Variants in NFIB observed in about 807,000 individuals in gnomAD.
The protein encoded by NFIB is nuclear factor I B.
Under a neutral mutation model 61.5 loss-of-function variants are expected in NFIB, and 11 were observed. The observed-to-expected ratio is 0.18, with a 90% CI of 0.11 to 0.30. The LOEUF is 0.30. Ranked by LOEUF, NFIB falls within the 10% of genes least tolerant of loss-of-function variation. NFIB has a pLI of 1.00. For synonymous variants in NFIB, 260 were observed against 216.5 expected (o/e 1.20, Z -1.76); for missense variants, 471 against 608.9 (o/e 0.77, Z 2.38).
At chr9:14,249,419 C>T (rs59804771) in intron 2 of NFIB, among the ~76,000 whole-genome samples, 12,915 of 152,116 alleles carry the variant, frequency 0.085, 1,147 homozygotes, top group East Asian at 0.34. Context: ...TTGTTTTATG[C>T]TCTTATAGCA....
intron 2 of NFIB, among the ~76,000 whole-genome samples, chr9:14,182,708 C>CTCTG (rs778914837): frequency 0.021 from 1,989 of 96,950 alleles, 50 homozygotes; most frequent in Non-Finnish European, 0.031. Flanking sequence ...CTCTCTCTCT[C>CTCTG]TGTGTGTGTG....
chr9:14,438,829 A>T, the NFIB span, among the ~76,000 whole-genome samples: 1 of 152,094 alleles, frequency 6.6e-6, no homozygotes, highest in East Asian at 1.9e-4. Context: ...GCGGCAGAGA[A>T]TGAGGGCTCT....
chr9:14,144,939 T>A (rs1039405734), intron 6 of NFIB, among the ~76,000 whole-genome samples: 6 of 152,236 alleles, frequency 3.9e-5, no homozygotes, highest in African/African-American at 1.4e-4. Context: ...CTGCCAAGGC[T>A]ATGGCCTGTT....
intron 2 of NFIB, among the ~76,000 whole-genome samples, chr9:14,251,788 C>A (rs1049549824): frequency 3.3e-5 from 5 of 152,210 alleles, no homozygotes; most frequent in Admixed American, 2.0e-4. Context: ...ATTACACAGG[C>A]GTGCTGCACA....
At chr9:14,262,086 A>G (rs2056812150) in intron 2 of NFIB, among the ~76,000 whole-genome samples, 3 of 152,036 alleles carry the variant, frequency 2.0e-5, no homozygotes, top group Admixed American at 1.3e-4. Context: ...CTTTTCACTT[A>G]TCTACACAGG....
the NFIB span, among the ~76,000 whole-genome samples, chr9:14,423,082 T>G: frequency 6.6e-6 from 1 of 152,236 alleles, no homozygotes; most frequent in South Asian, 2.1e-4. Flanking sequence ...TATGCCCACA[T>G]GCCAGTAGCA....
chr9:14,102,254 G>A lies in NFIB; in HGVS notation c.1467+10745C>T, dbSNP rs953974912. ...TACTATAGTCCCAACTTAATTTGAC[G>A]TTCCATTTACATAAGAAATAAAGGA... On this transcript the variant is annotated intron_variant, in intron 10 of 10. Coordinates refer to ENST00000380953, the MANE Select transcript of NFIB (RefSeq NM_001190737.2). 3.3e-5 allele frequency among the ~76,000 whole-genome samples: 5 copies of A among 151,990 alleles called. No individual in the cohort carries two copies. In the South Asian group the frequency reaches 6.2e-4, roughly 19 times the overall value.
At chr9:14,141,101 C>T (rs1314631689) in intron 6 of NFIB, among the ~76,000 whole-genome samples, 1 of 152,126 alleles carries the variant, frequency 6.6e-6, no homozygotes, top group Non-Finnish European at 1.5e-5. Context: ...ATACTATATC[C>T]TTATAGAACT....
the NFIB span, among the ~76,000 whole-genome samples, chr9:14,517,345 A>G: frequency 6.6e-6 from 1 of 152,184 alleles, no homozygotes; most frequent in Non-Finnish European, 1.5e-5. Flanking sequence ...TCCAAGGCGT[A>G]CCTGCTTTCT....
intron 2 of NFIB, among the ~76,000 whole-genome samples, chr9:14,262,453 T>C (rs1015774468): frequency 6.6e-6 from 1 of 152,196 alleles, no homozygotes; most frequent in Non-Finnish European, 1.5e-5. Flanking sequence ...GCAGCTATGA[T>C]GTAATGTATC....
the NFIB span, among the ~76,000 whole-genome samples, chr9:14,414,509 GT>G: frequency 7.5e-6 from 1 of 132,812 alleles, no homozygotes; most frequent in Non-Finnish European, 1.6e-5. Flanking sequence ...CTCACGTTTT[GT>G]ATTTTTTTTT....
At chr9:14,290,379 T>C (rs2029965109) in intron 2 of NFIB, among the ~76,000 whole-genome samples, 1 of 152,064 alleles carries the variant, frequency 6.6e-6, no homozygotes, top group Non-Finnish European at 1.5e-5. Context: ...CCAAGTCTTC[T>C]GGAAAGCTCA....
At chr9:14,209,930 T>G (rs1264555655) in intron 2 of NFIB, among the ~76,000 whole-genome samples, 1 of 152,226 alleles carries the variant, frequency 6.6e-6, no homozygotes, top group Non-Finnish European at 1.5e-5. Flanking sequence ...GGCATTCACT[T>G]GGTGAGGGCT....
chr9:14,347,003 A>G (rs1278448115), intron 1 of NFIB, among the ~76,000 whole-genome samples: 1 of 151,846 alleles, frequency 6.6e-6, no homozygotes, highest in African/African-American at 2.4e-5. Flanking sequence ...TCCTAGGGAG[A>G]CGAAACTAGG....
At chr9:14,097,620 C>T (rs538622969) in intron 10 of NFIB, among the ~76,000 whole-genome samples, 84 of 152,248 alleles carry the variant, frequency 5.5e-4, no homozygotes, top group African/African-American at 2.0e-3. Flanking sequence ...TATACACACA[C>T]ACTACATACA....
chr9:14,443,490 T>G, the NFIB span, among the ~76,000 whole-genome samples: 1 of 152,196 alleles, frequency 6.6e-6, no homozygotes, highest in African/African-American at 2.4e-5. Flanking sequence ...GTAAAGGCAC[T>G]GCCATTCCTC....
At chr9:14,480,944 T>C in the NFIB span, among the ~76,000 whole-genome samples, 1 of 151,602 alleles carries the variant, frequency 6.6e-6, no homozygotes, top group Non-Finnish European at 1.5e-5. Flanking sequence ...TAAAATTAAG[T>C]TCTAAAAAAT....
At chr9:14,294,988 GT>G (rs1189659152) in intron 2 of NFIB, among the ~76,000 whole-genome samples, 1 of 152,166 alleles carries the variant, frequency 6.6e-6, no homozygotes, top group Admixed American at 6.5e-5. Flanking sequence ...AGCTACTGAA[GT>G]CAAACACGGT....
At chr9:14,432,635 G>T in the NFIB span, among the ~76,000 whole-genome samples, 1 of 152,232 alleles carries the variant, frequency 6.6e-6, no homozygotes, top group African/African-American at 2.4e-5. Flanking sequence ...CAGACTTGAG[G>T]CAAAGCCTAG....
Sources: gnomAD v4.1 joint callset for allele counts (sites outside exome capture counted in the v4.1 genomes callset) on GRCh38, gnomAD v4.1.1 for gene constraint, MANE v1.5 for transcripts, NCBI Gene and HGNC (gene_info 2026-07-23, HGNC 2026-07-21) for gene names.